The following CEBPZ variants were observed in gnomAD, a reference collection of about 807,000 sequenced individuals.
CEBPZ encodes CCAAT enhancer binding protein zeta.
Under a neutral mutation model 104.5 loss-of-function variants are expected in CEBPZ, and 78 were observed. The ratio of observed to expected loss-of-function variants is 0.75; its 90% CI spans 0.62 to 0.90. The LOEUF (loss-of-function observed/expected upper bound fraction) is 0.90, where lower values mean the gene tolerates loss of function less well. Among genes scored for constraint, CEBPZ ranks in the 40% least tolerant of loss-of-function variants. The pLI, the probability that CEBPZ is intolerant of heterozygous loss-of-function variation, is 0.00. For missense variants in CEBPZ, 1,439 were observed against 1,233.5 expected, an observed-to-expected ratio of 1.17 and a Z score of -2.50; for synonymous variants, 470 against 427.0, an observed-to-expected ratio of 1.10 and a Z score of -1.24.
intron 4 of CEBPZ, 22 bp from the exon 5 acceptor site, chr2:37,220,495 C>T (rs552122905): frequency 2.4e-5 from 30 of 1,264,858 alleles, no homozygotes; most frequent in East Asian, 1.3e-4. Flanking sequence ...AAAAAAAATA[C>T]GATTTCTCAA....
rs752856385 is a variant in CEBPZ, at chr2:37,223,369, G to C, written c.1682C>G (p.Ser561Cys). The change falls in exon 3 of 16, where the codon TCC becomes TGC. Residue 561 changes from serine to cysteine, a missense_variant. Transcript: ENST00000234170. ...AAGGTTAAGAAACATAGCTTGCTTG[G>C]AACACGTCATCAACCCTGGATCCAA... ...KMLDPGLMTCSKQAMFLNLVY... is the reference protein window; with the variant it reads ...KMLDPGLMTCCKQAMFLNLVY... The C allele has an allele frequency of 6.2e-7, 1 of 1,614,106 alleles. No individual in the cohort carries two copies.
intron 5 of CEBPZ, among the ~76,000 whole-genome samples, chr2:37,217,401 A>C (rs184019234): frequency 1.3e-5 from 2 of 152,198 alleles, no homozygotes; most frequent in East Asian, 1.9e-4. Context: ...ACCCTATTTC[A>C]ACAACAACAA....
intron 5 of CEBPZ, among the ~76,000 whole-genome samples, chr2:37,218,268 A>G (rs894101695): frequency 2.0e-5 from 3 of 150,220 alleles, no homozygotes; most frequent in African/African-American, 2.4e-5. Flanking sequence ...CTCTGCCTCA[A>G]AAAAAAAAAG....
In CEBPZ at chr2:37,222,466, A is replaced by G. The variant is rs1428598324; in HGVS notation, c.1979T>C (p.Leu660Pro). 3 of 1,611,346 alleles carry G rather than the reference A, an allele frequency of 1.9e-6. No homozygotes were observed. Among genetic ancestry groups the G allele is most frequent in the Non-Finnish European group, 2.5e-6 (3 of 1,179,192 alleles). Residue 660 changes from leucine to proline, a missense_variant, in exon 4 of 16, where the codon CTT (leucine) becomes CCT (proline). Transcript: ENST00000234170. ...TTCAGGAACTGTTTCCTCTGTCTCA[A>G]GTTTTTTCACTATCTCTGTTTCTTT... ...ADKETEIVKK[L>P]ETEETVPETD...
At chr2:37,210,824 T>G (rs1022262818) in intron 13 of CEBPZ, 175 bp downstream of exon 13, 2 of 484,434 alleles carry the variant, frequency 4.1e-6, no homozygotes, top group African/African-American at 4.0e-5. Flanking sequence ...GATATCTGAA[T>G]GCGAGAAACA....
intron 15 of CEBPZ, chr2:37,202,159 G>A (rs1472449755): frequency 1.8e-5 from 5 of 283,874 alleles, no homozygotes. Context: ...CACTTTTACT[G>A]GTGAAATAAA....
In CEBPZ at chr2:37,223,170, C is replaced by T. The variant is rs1361114797; in HGVS notation, c.1881G>A (p.Pro627=). Residue 627 remains proline (P), a splice_region_variant and synonymous_variant, in exon 3 of 16, where the codon CCG becomes CCA. Coordinates refer to ENST00000234170, the MANE Select transcript of CEBPZ (RefSeq NM_005760.3). ...PGLRSQLDDH[P]ESDDEENFID... is the part of the protein sequence containing the mutation. ...TTTAAAAAGCAGTTGTAAAATATAC[C>T]GGATGATCATCTAGTTGGCTTCTTA... is the stretch of plus-strand genomic sequence containing the variant. 3.1e-6 allele frequency: 5 copies of T among 1,609,992 alleles called. No homozygotes were observed. Among genetic ancestry groups the T allele is most frequent in the Non-Finnish European group, 4.2e-6 (5 of 1,176,934 alleles).
In CEBPZ at chr2:37,227,483, C is replaced by G. The variant is rs542020970; in HGVS notation, c.1649+61G>C. Reference sequence around the variant, plus strand: ...TTTTCTTGCCCCACAGAGGGCACTGCTTGTGCTGTACTACATCAAGTTATT... The same window carrying G: ...TTTTCTTGCCCCACAGAGGGCACTGGTTGTGCTGTACTACATCAAGTTATT... On this transcript the variant is annotated intron_variant, in intron 2 of 15. Transcript: ENST00000234170. The G allele has an allele frequency of 1.2e-4, 178 of 1,494,346 alleles. 1 individual carries two copies. The East Asian group carries it at 4.0e-3, about 33-fold the overall frequency. The allele number at this position is 1,494,346 out of a possible 1,614,324, so 92.6% of individuals were successfully genotyped here. A position where few individuals can be genotyped will look rare whatever the true frequency, so the allele number is the denominator to read the frequency against.
chr2:37,203,368 G>C (rs990173194), intron 13 of CEBPZ: 1 of 158,036 alleles, frequency 6.3e-6, no homozygotes, highest in African/African-American at 2.4e-5. Context: ...ATAAAATTTA[G>C]TTCAGGGGTC....
chr2:37,203,125 C>T (rs1677362072), intron 13 of CEBPZ, 117 bp from the exon 14 acceptor site: 1 of 617,416 alleles, frequency 1.6e-6, no homozygotes, highest in Non-Finnish European at 2.7e-6. Flanking sequence ...TTGCAATAAT[C>T]TTCTGGCACC....
At chr2:37,226,955 T>C (rs1664900315) in intron 2 of CEBPZ, among the ~76,000 whole-genome samples, 1 of 152,146 alleles carries the variant, frequency 6.6e-6, no homozygotes. Context: ...CAAAACTCTC[T>C]ACTTAACATA....
At chr2:37,216,893 T>G (rs1664599634) in intron 6 of CEBPZ, 91 bp downstream of exon 6, 1 of 1,040,344 alleles carries the variant, frequency 9.6e-7, no homozygotes, top group Non-Finnish European at 1.5e-6. Flanking sequence ...AGATTCTCTC[T>G]GTTAGAGAAA....
At chr2:37,220,542 C>T (rs1192554714) in intron 4 of CEBPZ, 69 bp from the exon 5 acceptor site, 2 of 740,638 alleles carry the variant, frequency 2.7e-6, no homozygotes, top group Non-Finnish European at 4.4e-6. Flanking sequence ...ATTAAAAGCA[C>T]CACCATTAAT....
In CEBPZ at chr2:37,227,988, G is replaced by A. The variant is rs1230664609; in HGVS notation, c.1205C>T (p.Ala402Val). ...AAGTAATGTCTCTAACAGATGGGAT[G>A]CTTTTGTGGCAATTCTGTTCTGAGG... Reference protein sequence around the residue: ...GDPQNRIATKASHLLETLLCK... With the variant: ...GDPQNRIATKVSHLLETLLCK... The change falls in exon 2 of 16, where the codon GCA becomes GTA. Residue 402 changes from alanine (A) to valine (V), a missense_variant. Coordinates refer to ENST00000234170, the MANE Select transcript of CEBPZ (RefSeq NM_005760.3). 11 of 1,614,140 alleles carry A rather than the reference G, an allele frequency of 6.8e-6. No individual in the cohort carries two copies. Among genetic ancestry groups the A allele is most frequent in the Non-Finnish European group, 9.3e-6 (11 of 1,180,010 alleles).
chr2:37,214,994 C>A (rs1209337357), intron 8 of CEBPZ, 42 bp from the exon 9 acceptor site: 3 of 1,247,586 alleles, frequency 2.4e-6, no homozygotes, highest in Non-Finnish European at 3.5e-6. Context: ...ATATAGCAAT[C>A]CCCTTTATGT....
intron 4 of CEBPZ, 22 bp from the exon 5 acceptor site, chr2:37,220,495 C>A (rs552122905): frequency 7.9e-7 from 1 of 1,264,860 alleles, no homozygotes; most frequent in Non-Finnish European, 1.1e-6. Context: ...AAAAAAAATA[C>A]GATTTCTCAA....
intron 6 of CEBPZ, 119 bp from the exon 7 acceptor site, chr2:37,216,537 A>C: frequency 1.4e-6 from 1 of 707,762 alleles, no homozygotes; most frequent in Non-Finnish European, 2.4e-6. Context: ...AATATGCAAT[A>C]AATGACTCTT....
Position 37,228,904 on chromosome 2 carries a change from T to C in CEBPZ, c.289A>G (p.Thr97Ala). ...TCTTCTTCAACTAAGGAAGCTTTTG[T>C]ATACTTCGCCAAATTAAGATTTTGA... Reference protein sequence around the residue: ...FIQNLNLAKYTKASLVEEDEP... With the variant: ...FIQNLNLAKYAKASLVEEDEP... Residue 97 changes from threonine to alanine, a missense_variant, in exon 2 of 16, where the codon ACA becomes GCA. Coordinates refer to ENST00000234170, the MANE Select transcript of CEBPZ (RefSeq NM_005760.3). The C allele has an allele frequency of 6.2e-7, 1 of 1,611,080 alleles. No individual in the cohort carries two copies. Among genetic ancestry groups the C allele is most frequent in the South Asian group, 1.1e-5 (1 of 89,830 alleles).
At position 37,227,783 on chromosome 2, in the gene CEBPZ, C is replaced by A. The variant is rs369757856; in HGVS notation, c.1410G>T (p.Arg470=). Residue 470 remains arginine (R), a synonymous_variant, in exon 2 of 16, where the codon CGG becomes CGT. Transcript: ENST00000234170. ...CAACATCTTTTTTTTTGACACAAGT[C>A]CGAAAAAAGCAAAAGTAAACAGTTA... ...KLITVYFCFF[R]TCVKKKDVES... The A allele has an allele frequency of 1.2e-5, 19 of 1,613,632 alleles. No individual in the cohort carries two copies. The highest frequency in any genetic ancestry group is 3.3e-4 in the Middle Eastern group (2 of 6,084).
Sources: gnomAD v4.1 joint callset for allele counts (sites outside exome capture counted in the v4.1 genomes callset) on GRCh38, gnomAD v4.1.1 for gene constraint, MANE v1.5 for transcripts, NCBI Gene and HGNC (gene_info 2026-07-23, HGNC 2026-07-21) for gene names.